ROBO1: variants seen among roughly 807,000 people sequenced by gnomAD.
The protein encoded by ROBO1 is roundabout guidance receptor 1.
A neutral mutation model predicts 195.9 loss-of-function variants in ROBO1; 149 were observed. That is an observed-to-expected ratio of 0.76 (90% confidence interval 0.67 to 0.87). ROBO1 has a LOEUF of 0.87. Among genes scored for constraint, ROBO1 ranks in the 40% least tolerant of loss-of-function variants. The pLI, the probability that ROBO1 is intolerant of heterozygous loss-of-function variation, is 0.00. For missense variants in ROBO1, 1,933 were observed against 2,068.3 expected, an observed-to-expected ratio of 0.93 and a Z score of 1.27; for synonymous variants, 816 against 733.2, an observed-to-expected ratio of 1.11 and a Z score of -1.82.
At chr3:79,035,302 G>A (rs994170701) in intron 3 of ROBO1, among the ~76,000 whole-genome samples, 4 of 152,126 alleles carry the variant, frequency 2.6e-5, no homozygotes, top group Non-Finnish European at 5.9e-5. Flanking sequence ...GGCAGCAGGC[G>A]CTATTCATAA....
chr3:79,163,624 T>C (rs1039071473), intron 2 of ROBO1, among the ~76,000 whole-genome samples: 5 of 152,170 alleles, frequency 3.3e-5, no homozygotes, highest in Non-Finnish European at 7.4e-5. Context: ...ACAGCAGTTG[T>C]ATCATTTTAC....
intron 2 of ROBO1, among the ~76,000 whole-genome samples, chr3:79,515,479 CAAT>C (rs1940905086): frequency 1.3e-5 from 2 of 152,196 alleles, no homozygotes; most frequent in African/African-American, 2.4e-5. Context: ...CAACCACCAA[CAAT>C]GTTTGTGGCT....
chr3:78,991,938 C>T (rs746035243), intron 3 of ROBO1, among the ~76,000 whole-genome samples: 1 of 149,326 alleles, frequency 6.7e-6, no homozygotes, highest in Non-Finnish European at 1.5e-5. Context: ...ATTCTATCTA[C>T]AAAAAAAAAC....
chr3:79,506,101 G>C (rs1218660247), intron 2 of ROBO1, among the ~76,000 whole-genome samples: 1 of 152,008 alleles, frequency 6.6e-6, no homozygotes, highest in East Asian at 1.9e-4. Context: ...TTATTAAATT[G>C]AAAGAGAGAT....
At chr3:78,673,217 T>A (rs1277912960) in intron 10 of ROBO1, among the ~76,000 whole-genome samples, 1 of 151,850 alleles carries the variant, frequency 6.6e-6, no homozygotes, top group African/African-American at 2.4e-5. Context: ...AAATGAGATA[T>A]GGTTAGATTT....
At chr3:78,787,152 T>C (rs1419730522) in intron 4 of ROBO1, among the ~76,000 whole-genome samples, 1 of 152,162 alleles carries the variant, frequency 6.6e-6, no homozygotes, top group African/African-American at 2.4e-5. Context: ...CCAGGTGATA[T>C]TGATGATGCA....
chr3:79,598,554 T>A (rs1054884738), intron 1 of ROBO1, among the ~76,000 whole-genome samples: 1 of 152,042 alleles, frequency 6.6e-6, no homozygotes, highest in Non-Finnish European at 1.5e-5. Flanking sequence ...TTATTTAATT[T>A]ATTTTATTTC....
chr3:78,967,430 C>T (rs934153124), intron 3 of ROBO1, among the ~76,000 whole-genome samples: 2 of 148,132 alleles, frequency 1.4e-5, no homozygotes, highest in African/African-American at 4.9e-5. Flanking sequence ...TAAAATCTAA[C>T]TTCCCTCCTT....
At chr3:79,633,199 A>G (rs1321996762) in intron 1 of ROBO1, among the ~76,000 whole-genome samples, 3 of 149,540 alleles carry the variant, frequency 2.0e-5, no homozygotes, top group Non-Finnish European at 3.0e-5. Context: ...TTTTTTTTGA[A>G]AGGGTCTCAC....
intron 1 of ROBO1, among the ~76,000 whole-genome samples, chr3:79,767,167 C>T (rs1221905198): frequency 6.6e-6 from 1 of 152,174 alleles, no homozygotes; most frequent in Admixed American, 6.5e-5. Flanking sequence ...CACGCGCATC[C>T]ATTCCTGGAG....
At chr3:78,651,585 C>A (rs1030042615) in intron 19 of ROBO1, 147 bp downstream of exon 19, 1 of 546,942 alleles carries the variant, frequency 1.8e-6, no homozygotes, top group Non-Finnish European at 3.1e-6. Context: ...ATGTGGATAC[C>A]GCAGCACAAT....
chr3:78,639,846 T>C lies in ROBO1; in HGVS notation c.2935A>G (p.Thr979Ala). ...TGGTTGTTGCCAGTATTAGGCCACG[T>C]GTCTGCCAGCCATGGCTGCGCGGCA... ...EPAAQPWLAD[T>A]WPNTGNNHND... Residue 979 changes from threonine to alanine, a missense_variant, in exon 22 of 31, where the codon ACG (threonine) becomes GCG (alanine). Around this residue, in one of 3 missense-constraint regions of ROBO1, gnomAD observed 1,737 missense variants for 1,882.5 expected, o/e 0.92. Coordinates refer to ENST00000464233, the MANE Select transcript of ROBO1 (RefSeq NM_002941.4). 1 of 1,612,882 alleles carries C rather than the reference T, an allele frequency of 6.2e-7. No individual in the cohort carries two copies. The highest frequency in any genetic ancestry group is 1.1e-5 in the South Asian group (1 of 90,940).
chr3:78,822,392 C>G (rs1365816060), intron 4 of ROBO1, among the ~76,000 whole-genome samples: 4 of 152,020 alleles, frequency 2.6e-5, no homozygotes, highest in Admixed American at 2.6e-4. Context: ...TTGAATCAAG[C>G]CAATATTCTA....
intron 2 of ROBO1, among the ~76,000 whole-genome samples, chr3:79,554,248 C>G (rs1942622587): frequency 6.6e-6 from 1 of 151,716 alleles, no homozygotes; most frequent in South Asian, 2.1e-4. Context: ...ACCATGGGAC[C>G]CAGAAAAGGG....
At chr3:78,871,145 A>G (rs1234761665) in intron 4 of ROBO1, among the ~76,000 whole-genome samples, 3 of 152,184 alleles carry the variant, frequency 2.0e-5, no homozygotes, top group African/African-American at 7.2e-5. Flanking sequence ...TCTGAAAGAA[A>G]GCAAACCCAA....
At chr3:79,116,434 T>G (rs569581255) in intron 3 of ROBO1, among the ~76,000 whole-genome samples, 1 of 151,034 alleles carries the variant, frequency 6.6e-6, no homozygotes, top group East Asian at 1.9e-4. Context: ...TTCTTTTCCT[T>G]TCCTTTCCTT....
intron 4 of ROBO1, among the ~76,000 whole-genome samples, chr3:78,899,968 A>C (rs1052604010): frequency 2.0e-5 from 3 of 152,196 alleles, no homozygotes; most frequent in African/African-American, 7.2e-5. Flanking sequence ...TTTCTTGTCC[A>C]CAAATAGTCT....
At chr3:79,483,851 A>G (rs1424306272) in intron 2 of ROBO1, among the ~76,000 whole-genome samples, 1 of 152,114 alleles carries the variant, frequency 6.6e-6, no homozygotes, top group Non-Finnish European at 1.5e-5. Context: ...GAAAGCCAGT[A>G]GAGAAATCTC....
intron 2 of ROBO1, among the ~76,000 whole-genome samples, chr3:79,445,428 T>G (rs1356265702): frequency 6.6e-6 from 1 of 151,686 alleles, no homozygotes; most frequent in African/African-American, 2.4e-5. Context: ...CGTAGTAATG[T>G]TCACAGATTT....
Sources: allele counts gnomAD v4.1 joint callset (sites outside exome capture counted in the v4.1 genomes callset), GRCh38; gene constraint gnomAD v4.1.1; regional missense constraint gnomAD v4.1.1; transcripts MANE v1.5; gene names NCBI Gene and HGNC (gene_info 2026-07-23, HGNC 2026-07-21).